NEBL: variants seen among roughly 807,000 people sequenced by gnomAD.
NEBL encodes LIM and SH3 protein 2.
In NEBL, 122 loss-of-function variants were observed where a neutral mutation model predicts 140.2. The ratio of observed to expected loss-of-function variants is 0.87; its 90% CI spans 0.75 to 1.01. The LOEUF is 1.01. Ranked by LOEUF, NEBL falls within the 50% of genes least tolerant of loss-of-function variation. The pLI is 0.00. For missense variants in NEBL, 1,365 were observed against 1,231.3 expected (o/e 1.11, Z -1.62); for synonymous variants, 436 against 398.9 (o/e 1.09, Z -1.11).
chr10:21,259,192 A>G (rs1305397190), intron 1 of NEBL, among the ~76,000 whole-genome samples: 3 of 151,718 alleles, frequency 2.0e-5, no homozygotes, highest in Admixed American at 2.0e-4. Context: ...GGTTCAAGCG[A>G]TTCTTGTGCC....
At chr10:20,952,519 C>G (rs1440411985) in intron 4 of NEBL, among the ~76,000 whole-genome samples, 1 of 150,042 alleles carries the variant, frequency 6.7e-6, no homozygotes, top group African/African-American at 2.5e-5. Flanking sequence ...GAATATTCAG[C>G]TTGAAAATAG....
intron 3 of NEBL, among the ~76,000 whole-genome samples, chr10:21,238,373 C>T (rs1313079291): frequency 1.3e-5 from 2 of 152,258 alleles, no homozygotes; most frequent in Non-Finnish European, 2.9e-5. Context: ...CTTTGCATTT[C>T]ATAAAAGTGA....
At chr10:21,169,070 ATATATATATATATATATATAT>A (rs1840959145) in intron 2 of NEBL, among the ~76,000 whole-genome samples, 6 of 44,214 alleles carry the variant, frequency 1.4e-4, no homozygotes, top group Admixed American at 5.3e-4. Context: ...AAAAAAAAAT[ATATATATATATATATATATAT>A]ATATATATAT....
At chr10:20,976,745 A>C (rs1052171099) in intron 3 of NEBL, among the ~76,000 whole-genome samples, 6 of 152,058 alleles carry the variant, frequency 3.9e-5, no homozygotes, top group African/African-American at 7.2e-5. Context: ...CAAAGATGGG[A>C]ACAATAGACA....
intron 26 of NEBL, among the ~76,000 whole-genome samples, chr10:20,798,961 G>A (rs1348633322): frequency 1.3e-5 from 2 of 152,020 alleles, no homozygotes; most frequent in Non-Finnish European, 2.9e-5. Context: ...AGGAATACAA[G>A]TTTCGCTGCC....
intron 7 of NEBL, among the ~76,000 whole-genome samples, chr10:20,861,060 C>CT (rs143978719): frequency 0.053 from 8,008 of 152,120 alleles, 642 homozygotes; most frequent in African/African-American, 0.17. Flanking sequence ...GAAAAACTGA[C>CT]TTTTTTTATT....
Position 21,173,895 on chromosome 10 carries a change from T to TC in NEBL, c.-63dup. ...CTGGCTCCCAGGAGCCGCTGTGACA[T>TC]CCCCCGGCGAGCCCCGCACCGCCTC... On this transcript the variant is annotated 5_prime_UTR_variant, in exon 1 of 7. Coordinates refer to the NEBL transcript ENST00000417816. This position sits in a 1 kb window ranked among gnomAD's most constrained non-coding sequence, Gnocchi z 5.7. The TC allele has an allele frequency of 1.3e-6, 2 of 1,580,578 alleles. No homozygotes were observed. Among genetic ancestry groups the TC allele is most frequent in the Non-Finnish European group, 1.7e-6 (2 of 1,169,520 alleles).
chr10:21,182,115 A>G (rs572702392), intron 3 of NEBL, among the ~76,000 whole-genome samples: 9 of 152,138 alleles, frequency 5.9e-5, no homozygotes, highest in Admixed American at 1.3e-4. Context: ...GGATATCATT[A>G]TAAACTAAAA....
intron 2 of NEBL, among the ~76,000 whole-genome samples, chr10:21,110,176 A>G (rs1229624585): frequency 1.3e-5 from 2 of 152,102 alleles, no homozygotes; most frequent in Non-Finnish European, 2.9e-5. Context: ...AGCTTTGAGA[A>G]TCAAGGTCAT....
intron 26 of NEBL, among the ~76,000 whole-genome samples, chr10:20,798,932 T>G (rs1028543667): frequency 1.6e-4 from 25 of 152,182 alleles, no homozygotes; most frequent in Non-Finnish European, 3.7e-4. Context: ...ATTTCTTTCA[T>G]TCCATTTCTA....
intron 3 of NEBL, among the ~76,000 whole-genome samples, chr10:21,008,958 C>A (rs1171031192): frequency 1.3e-5 from 2 of 151,332 alleles, no homozygotes; most frequent in African/African-American, 2.4e-5. Flanking sequence ...ATATAAAAAA[C>A]CCATATACAT....
At chr10:20,861,002 T>A (rs1206942974) in intron 7 of NEBL, among the ~76,000 whole-genome samples, 1 of 152,204 alleles carries the variant, frequency 6.6e-6, no homozygotes, top group Non-Finnish European at 1.5e-5. Flanking sequence ...ATATTCTCAA[T>A]ACCTTACAAA....
chr10:21,087,762 C>T (rs188836000), intron 2 of NEBL, among the ~76,000 whole-genome samples: 24 of 152,210 alleles, frequency 1.6e-4, no homozygotes, highest in East Asian at 1.2e-3. Context: ...GCCCTGACCT[C>T]GGTATAATTG....
chr10:21,255,399 G>A (rs560332089), intron 1 of NEBL, among the ~76,000 whole-genome samples: 2 of 152,206 alleles, frequency 1.3e-5, no homozygotes, highest in African/African-American at 4.8e-5. Context: ...CATGTGATCT[G>A]ATAATAAAGA....
intron 3 of NEBL, among the ~76,000 whole-genome samples, chr10:21,194,360 A>G (rs1841618177): frequency 6.6e-6 from 1 of 152,202 alleles, no homozygotes; most frequent in Non-Finnish European, 1.5e-5. Context: ...AAAAAAAGTT[A>G]TTGAAGTAAG....
At chr10:21,103,734 C>T (rs1018704278) in intron 2 of NEBL, among the ~76,000 whole-genome samples, 1 of 101,924 alleles carries the variant, frequency 9.8e-6, no homozygotes, top group Non-Finnish European at 1.7e-5. Context: ...TATTCTCTGG[C>T]TCCCTAGTCA....
intron 1 of NEBL, among the ~76,000 whole-genome samples, chr10:21,252,393 T>C (rs1037173698): frequency 6.6e-6 from 1 of 152,132 alleles, no homozygotes; most frequent in African/African-American, 2.4e-5. Flanking sequence ...TGTTGATTGA[T>C]TGATTGATAG....
intron 4 of NEBL, among the ~76,000 whole-genome samples, chr10:20,959,720 T>TG (rs1835965313): frequency 6.6e-6 from 1 of 152,098 alleles, no homozygotes; most frequent in African/African-American, 2.4e-5. Context: ...TGCCTCATAT[T>TG]GGCTAAGAGA....
At chr10:21,170,171 G>C (rs1426672206) in intron 2 of NEBL, 13 of 152,070 alleles carry the variant, frequency 8.5e-5, no homozygotes. Context: ...TTTTATTTTT[G>C]ATCATTTCTT....
Sources: gnomAD v4.1 joint callset for allele counts (sites outside exome capture counted in the v4.1 genomes callset) on GRCh38, gnomAD v4.1.1 for gene constraint, Gnocchi (gnomAD v3.1) non-coding constraint, MANE v1.5 for transcripts, NCBI Gene and HGNC (gene_info 2026-07-23, HGNC 2026-07-21) for gene names.